DLC1: variants seen among roughly 807,000 people sequenced by gnomAD.
DLC1 encodes rho GTPase-activating protein 7.
DLC1 carries 54 observed loss-of-function variants against 140.3 expected under a neutral mutation model. That is an observed-to-expected ratio of 0.38 (90% CI 0.31 to 0.48). The LOEUF (loss-of-function observed/expected upper bound fraction) is 0.48, where lower values mean the gene tolerates loss of function less well. Among genes scored for constraint, DLC1 ranks in the 20% least tolerant of loss-of-function variants. The pLI is 0.96. For synonymous variants in DLC1, 986 were observed against 728.1 expected (o/e 1.35, Z -5.70); for missense variants, 2,536 against 1,907.0 (o/e 1.33, Z -6.14).
intron 5 of DLC1, among the ~76,000 whole-genome samples, chr8:13,257,476 T>A (rs1830286686): frequency 6.6e-6 from 1 of 150,542 alleles, no homozygotes; most frequent in South Asian, 2.1e-4. Context: ...TTCTGACATG[T>A]GCATTGAACA....
chr8:13,504,521 T>A (rs1377259498), intron 1 of DLC1, among the ~76,000 whole-genome samples: 2 of 152,188 alleles, frequency 1.3e-5, no homozygotes, highest in Non-Finnish European at 2.9e-5. Flanking sequence ...AGGGAACTCA[T>A]GAGGATGCAA....
chr8:13,328,304 T>G (rs762823000), intron 4 of DLC1, among the ~76,000 whole-genome samples: 1 of 152,196 alleles, frequency 6.6e-6, no homozygotes, highest in Non-Finnish European at 1.5e-5. Flanking sequence ...TGACTGCTGA[T>G]TTGGCTGGGC....
At chr8:13,289,958 G>C (rs1257970615) in intron 5 of DLC1, among the ~76,000 whole-genome samples, 1 of 151,908 alleles carries the variant, frequency 6.6e-6, no homozygotes, top group African/African-American at 2.4e-5. Context: ...TGACACTTAG[G>C]GTATCTTTTA....
At chr8:13,294,879 T>C (rs1215032084) in intron 5 of DLC1, among the ~76,000 whole-genome samples, 1 of 152,294 alleles carries the variant, frequency 6.6e-6, no homozygotes, top group Middle Eastern at 3.4e-3. Flanking sequence ...TAGATAACAA[T>C]AGCACCTACC....
Position 13,500,151 on chromosome 8 carries a change from C to A in DLC1, c.-80G>T. On this transcript the variant is annotated 5_prime_UTR_variant, in exon 2 of 18. Transcript: ENST00000276297. ...GATGGAACTTGATGAAAGATTATTT[C>A]AAAATCACCAATCAAAGAAGCGAAT... 1 of 1,271,534 alleles carries A rather than the reference C, an allele frequency of 7.9e-7. No homozygotes were observed. Among genetic ancestry groups the A allele is most frequent in the Non-Finnish European group, 1.1e-6 (1 of 921,504 alleles). 78.8% of individuals were successfully genotyped at this position (1,271,534 alleles called of 1,614,324 possible). A position where few individuals can be genotyped will look rare whatever the true frequency, so the allele number is the denominator to read the frequency against.
At chr8:13,602,874 C>G (rs1805934240) in intron 1 of DLC1, among the ~76,000 whole-genome samples, 1 of 151,744 alleles carries the variant, frequency 6.6e-6, no homozygotes, top group Non-Finnish European at 1.5e-5. Flanking sequence ...ATGAAAGTAT[C>G]TTCAGATAAT....
At chr8:13,505,376 T>G (rs1802011273) in intron 1 of DLC1, among the ~76,000 whole-genome samples, 2 of 152,190 alleles carry the variant, frequency 1.3e-5, no homozygotes, top group Non-Finnish European at 2.9e-5. Flanking sequence ...ACAATCATAT[T>G]GTTTAGAAAT....
At chr8:13,401,395 C>G (rs531831533) in intron 3 of DLC1, 75 bp downstream of exon 3, 1 of 1,543,078 alleles carries the variant, frequency 6.5e-7, no homozygotes, top group Non-Finnish European at 8.7e-7. Context: ...AAGGATGTTG[C>G]CTTTGCAAGA....
chr8:13,362,639 C>T (rs543163180), intron 4 of DLC1, among the ~76,000 whole-genome samples: 1 of 151,854 alleles, frequency 6.6e-6, no homozygotes, highest in African/African-American at 2.4e-5. Flanking sequence ...GTTACTAAAA[C>T]AAAACTATAA....
At chr8:13,406,181 G>GTGTTTTTTTT (rs1554514492) in intron 2 of DLC1, among the ~76,000 whole-genome samples, 3 of 84,958 alleles carry the variant, frequency 3.5e-5, no homozygotes, top group East Asian at 4.2e-4. Context: ...TAATTTTTGT[G>GTGTTTTTTTT]TTTTTTTTTT....
chr8:13,124,889 A>C (rs1180735261), intron 5 of DLC1, among the ~76,000 whole-genome samples: 4 of 152,176 alleles, frequency 2.6e-5, no homozygotes, highest in African/African-American at 9.7e-5. Context: ...ACCACTAGAA[A>C]CTGCTACAAG....
chr8:13,495,466 G>A (rs772195386), intron 2 of DLC1, among the ~76,000 whole-genome samples: 1 of 152,072 alleles, frequency 6.6e-6, no homozygotes, highest in Non-Finnish European at 1.5e-5. Context: ...CAACCTTATG[G>A]CACATTCACT....
At chr8:13,470,632 AC>A (rs1158068553) in intron 2 of DLC1, among the ~76,000 whole-genome samples, 1 of 152,180 alleles carries the variant, frequency 6.6e-6, no homozygotes, top group Admixed American at 6.5e-5. Context: ...AGAAAAGGAA[AC>A]TTTTGTACAC....
intron 5 of DLC1, among the ~76,000 whole-genome samples, chr8:13,274,902 G>A (rs980079836): frequency 4.6e-5 from 7 of 152,128 alleles, no homozygotes; most frequent in Non-Finnish European, 1.0e-4. Context: ...ACCAATTATA[G>A]TTTTGAATTT....
intron 1 of DLC1, among the ~76,000 whole-genome samples, chr8:13,504,254 G>A (rs942441720): frequency 6.6e-6 from 1 of 151,474 alleles, no homozygotes; most frequent in Non-Finnish European, 1.5e-5. Context: ...AGCCTCCCGA[G>A]TAGCTGGGAT....
chr8:13,564,186 C>G (rs117642724), intron 1 of DLC1, among the ~76,000 whole-genome samples: 2,763 of 151,962 alleles, frequency 0.018, 46 homozygotes, highest in Non-Finnish European at 0.03. Flanking sequence ...GATAATAACA[C>G]CAAAGATGCA....
At chr8:13,527,381 A>G (rs1202840153) in intron 1 of DLC1, among the ~76,000 whole-genome samples, 9 of 152,298 alleles carry the variant, frequency 5.9e-5, no homozygotes, top group Admixed American at 4.6e-4. Context: ...TAGTTTATTA[A>G]TATGTCAAAT....
At chr8:13,481,245 C>G (rs1308270651) in intron 2 of DLC1, among the ~76,000 whole-genome samples, 1 of 152,034 alleles carries the variant, frequency 6.6e-6, no homozygotes, top group Non-Finnish European at 1.5e-5. Context: ...GGCAATATGA[C>G]AAAACCCCAT....
intron 5 of DLC1, among the ~76,000 whole-genome samples, chr8:13,256,772 T>C (rs1830246499): frequency 6.6e-6 from 1 of 150,986 alleles, no homozygotes; most frequent in Non-Finnish European, 1.5e-5. Context: ...ACCTAAGGCA[T>C]GCAGATCTTA....
Sources: gnomAD v4.1 joint callset for allele counts (sites outside exome capture counted in the v4.1 genomes callset) on GRCh38, gnomAD v4.1.1 for gene constraint, MANE v1.5 for transcripts, NCBI Gene and HGNC (gene_info 2026-07-23, HGNC 2026-07-21) for gene names.